The following ELP5 variants were observed in gnomAD, a reference collection of about 807,000 sequenced individuals.
ELP5 encodes elongator acetyltransferase complex subunit 5.
In ELP5, 34 loss-of-function variants were observed where a neutral mutation model predicts 33.4. That is an observed-to-expected ratio of 1.02 (90% CI 0.78 to 1.36). The LOEUF is 1.36. ELP5 is among the 40% of genes most tolerant of loss of function. The pLI, the probability that ELP5 is intolerant of heterozygous loss-of-function variation, is 0.00. For synonymous variants in ELP5, 161 were observed against 146.4 expected (o/e 1.10, Z -0.72); for missense variants, 373 against 371.7 (o/e 1.00, Z -0.03).
At chr17:7,254,875 A>G in intron 4 of ELP5, 72 bp downstream of exon 4, 1 of 1,329,396 alleles carries the variant, frequency 7.5e-7, no homozygotes, top group Non-Finnish European at 1.1e-6. Flanking sequence ...TTTCCTTTCT[A>G]CCCTAGAATA....
chr17:7,259,387 G>T, intron 7 of ELP5, 184 bp from the exon 8 acceptor site: 1 of 1,430,528 alleles, frequency 7.0e-7, no homozygotes, highest in African/African-American at 1.4e-5. Flanking sequence ...CAGTACAAGG[G>T]TATCTATCCC....
At chr17:7,258,063 G>T (rs1294122472) in intron 5 of ELP5, among the ~76,000 whole-genome samples, 1 of 151,750 alleles carries the variant, frequency 6.6e-6, no homozygotes, top group East Asian at 1.9e-4. Context: ...GTGAGACTCC[G>T]TCTCAAAAAA....
At chr17:7,259,196 G>A in intron 7 of ELP5, 6 of 1,391,412 alleles carry the variant, frequency 4.3e-6, no homozygotes, top group Non-Finnish European at 5.6e-6. Context: ...ACCCTTGGGA[G>A]GTGGCCCTAT....
At chr17:7,259,106 C>T in intron 7 of ELP5, 180 bp downstream of exon 7, 1 of 1,447,738 alleles carries the variant, frequency 6.9e-7, no homozygotes, top group Non-Finnish European at 9.0e-7. Context: ...ACCTTTATGT[C>T]TCTTTTCTCT....
intron 5 of ELP5, 91 bp downstream of exon 5, chr17:7,257,129 G>T: frequency 7.2e-7 from 1 of 1,380,200 alleles, no homozygotes. Context: ...GATGTTTCAA[G>T]GAGACTTTAA....
At position 7,252,840 on chromosome 17, in the gene ELP5, CCA is replaced by C; in HGVS notation, c.107+13_107+14del. The C allele has an allele frequency of 6.2e-7, 1 of 1,614,160 alleles. No homozygotes were observed. Among genetic ancestry groups the C allele is most frequent in the Non-Finnish European group, 8.5e-7 (1 of 1,180,016 alleles). Reference sequence around the variant, plus strand: ...AGAAATCTGCACTGTGGTGAGTATCCCACAGTGTCTCCCCGGCCTACCCTGGA... The same window carrying C: ...AGAAATCTGCACTGTGGTGAGTATCCCAGTGTCTCCCCGGCCTACCCTGGA... On this transcript the variant is annotated intron_variant, in intron 2 of 7. Coordinates refer to ENST00000396628, the MANE Select transcript of ELP5 (RefSeq NM_203414.3).
Position 7,252,940 on chromosome 17 carries a change from G to C in ELP5, c.130G>C (p.Gly44Arg). 1 of 1,614,156 alleles carries C rather than the reference G, an allele frequency of 6.2e-7. No homozygotes were observed. The highest frequency in any genetic ancestry group is 8.5e-7 in the Non-Finnish European group (1 of 1,180,038). ...TAGTGGGGAGCAAGTGCATATCCTGGGCTGTGAAGTGAGCGAGGAAGAGTT... is the reference window on the plus strand; with the variant it reads ...TAGTGGGGAGCAAGTGCATATCCTGCGCTGTGAAGTGAGCGAGGAAGAGTT... ...ALCGEQVHILGCEVSEEEFRE... is the reference protein window; with the variant it reads ...ALCGEQVHILRCEVSEEEFRE... The change falls in exon 3 of 8, where the codon GGC becomes CGC. Residue 44 changes from glycine (G) to arginine (R), a missense_variant. By Grantham distance (125) the Gly-to-Arg change is moderately radical. Coordinates refer to ENST00000396628, the MANE Select transcript of ELP5 (RefSeq NM_203414.3).
rs9914651 is a variant in ELP5 at position 7,257,429 on chromosome 17, G to T, written c.591+391G>T. ...GTCCAGGGAGGGTTTTATTCCCTTG[G>T]AGTTTTTTTTTTTTTTTTTATTGGA... On this transcript the variant is annotated intron_variant, in intron 5 of 7. Transcript: ENST00000396628. Among the ~76,000 whole-genome samples the T allele has an allele frequency of 8.4e-3, 1,013 of 121,314 alleles. 10 individuals are homozygous for T. The highest frequency in any genetic ancestry group is 0.032 in the African/African-American group (935 of 29,342). The allele number at this position is 121,314 out of a possible 152,430, so 79.6% of individuals were successfully genotyped here.
In ELP5 at chr17:7,259,780, C is replaced by T; in HGVS notation, c.*95C>T. The T allele has an allele frequency of 2.0e-6, 3 of 1,526,396 alleles. No individual in the cohort carries two copies. Among genetic ancestry groups the T allele is most frequent in the African/African-American group, 1.4e-5 (1 of 73,190 alleles). The allele number at this position is 1,526,396 out of a possible 1,614,324, so 94.6% of individuals were successfully genotyped here. A position where few individuals can be genotyped will look rare whatever the true frequency, so the allele number is the denominator to read the frequency against. The stretch of plus-strand genomic sequence containing the variant: ...ATTGTTTGTGTTAGCCTTACCCTGT[C>T]CCTGCCCCACCTTGGTTCCCCTTGT... On this transcript the variant is annotated 3_prime_UTR_variant, in exon 8 of 8. Coordinates refer to ENST00000396628, the MANE Select transcript of ELP5 (RefSeq NM_203414.3).
intron 5 of ELP5, among the ~76,000 whole-genome samples, chr17:7,257,760 C>T (rs1224073193): frequency 6.6e-6 from 1 of 152,170 alleles, no homozygotes; most frequent in Non-Finnish European, 1.5e-5. Flanking sequence ...ATTTAAGTCA[C>T]TTACCAAGGT....
intron 4 of ELP5, chr17:7,255,031 T>C (rs1390113759): frequency 3.5e-6 from 2 of 575,346 alleles, no homozygotes; most frequent in Non-Finnish European, 6.1e-6. Flanking sequence ...CACTCATTCA[T>C]TCATTTAACA....
upstream of ELP5, chr17:7,252,080 C>G (rs183480730): frequency 3.2e-3 from 834 of 263,142 alleles, 5 homozygotes; most frequent in African/African-American, 0.019. Context: ...CGGTCTATGG[C>G]GGGTAGGTAT....
chr17:7,253,754 GGGAGGCTGAGGCGGGT>G (rs1274449343), intron 3 of ELP5, among the ~76,000 whole-genome samples: 1 of 152,196 alleles, frequency 6.6e-6, no homozygotes, highest in African/African-American at 2.4e-5. Flanking sequence ...CCAGCACTTT[GGGAGGCTGAGGCGGGT>G]GGATCACCTG....
Position 7,252,815 on chromosome 17 carries a change from A to G in ELP5, c.92A>G (p.Lys31Arg). The change falls in exon 2 of 8, where the codon AAG becomes AGG. Residue 31 changes from lysine to arginine, a missense_variant. Lys to Arg is a conservative substitution (Grantham distance 26). Coordinates refer to ENST00000396628, the MANE Select transcript of ELP5 (RefSeq NM_203414.3). ...EGRSLLKALV[K>R]KSALCGEQVH... ...CGCAGTCTCTTGAAGGCGCTTGTCA[A>G]GAAATCTGCACTGTGGTGAGTATCC... 5 of 1,614,210 alleles carry G rather than the reference A, an allele frequency of 3.1e-6. No individual in the cohort carries two copies. The highest frequency in any genetic ancestry group is 4.2e-6 in the Non-Finnish European group (5 of 1,180,030).
chr17:7,255,402 C>T (rs1309186463), intron 4 of ELP5, among the ~76,000 whole-genome samples: 7 of 152,154 alleles, frequency 4.6e-5, no homozygotes, highest in Middle Eastern at 3.4e-3. Context: ...GTGGCGGGCA[C>T]CTCTAGTCCC....
rs897623472 is a variant in ELP5 at position 7,252,471 on chromosome 17, C to A, written c.-80C>A. 26 of 1,606,034 alleles carry A rather than the reference C, an allele frequency of 1.6e-5. No individual in the cohort carries two copies. The highest frequency in any genetic ancestry group is 2.2e-5 in the Non-Finnish European group (26 of 1,174,956). ...TGGGAGGACGCCCGAGTGCTCGGCC[C>A]GTTTCACCCCGAGGAGGAAGGACAC... is the stretch of plus-strand genomic sequence containing the variant. On this transcript the variant is annotated 5_prime_UTR_variant, in exon 1 of 8. Transcript: ENST00000396628.
At position 7,252,412 on chromosome 17, in the gene ELP5, A is replaced by G; in HGVS notation, c.-139A>G. 1 of 1,320,254 alleles carries G rather than the reference A, an allele frequency of 7.6e-7. No individual in the cohort carries two copies. The highest frequency in any genetic ancestry group is 1.1e-6 in the Non-Finnish European group (1 of 935,162). The allele number at this position is 1,320,254 out of a possible 1,614,324, so 81.8% of individuals were successfully genotyped here. On this transcript the variant is annotated 5_prime_UTR_variant, in exon 1 of 8. Transcript: ENST00000396628. ...CCCCCTGGGAATATTGAACATAATC[A>G]CCTCTCATTCCAGACTATGTTAGGT...
Position 7,259,902 on chromosome 17 carries a change from G to A in ELP5, c.*217G>A, listed in dbSNP as rs995559536. 2.1e-5 allele frequency: 12 copies of A among 565,990 alleles called. No homozygotes were observed. Among genetic ancestry groups the A allele is most frequent in the East Asian group, 1.7e-4 (5 of 30,000 alleles). 35.1% of individuals were successfully genotyped at this position (565,990 alleles called of 1,614,324 possible). On this transcript the variant is annotated 3_prime_UTR_variant, in exon 8 of 8. Transcript: ENST00000396628. ...TAATGTGAGAGAGTAGAACACCCCC[G>A]TACCTAATAAAAATCTTTATTTTTT...
At position 7,259,887 on chromosome 17, in the gene ELP5, GAGT is replaced by G. The variant is rs2072174649; in HGVS notation, c.*205_*207del. ...GATGAAGACATGGGGTAATGTGAGA[GAGT>G]AGAACACCCCCGTACCTAATAAAAA... On this transcript the variant is annotated 3_prime_UTR_variant, in exon 8 of 8. Transcript: ENST00000396628. 1.0e-5 allele frequency: 8 copies of G among 786,896 alleles called. 1 individual carries two copies. Among genetic ancestry groups the G allele is most frequent in the South Asian group, 1.0e-4 (5 of 49,274 alleles). 48.7% of individuals were successfully genotyped at this position (786,896 alleles called of 1,614,324 possible). A position where few individuals can be genotyped will look rare whatever the true frequency, so the allele number is the denominator to read the frequency against.
Sources: gnomAD v4.1 joint callset for allele counts (sites outside exome capture counted in the v4.1 genomes callset) on GRCh38, gnomAD v4.1.1 for gene constraint, MANE v1.5 for transcripts, NCBI Gene and HGNC (gene_info 2026-07-23, HGNC 2026-07-21) for gene names.